PDS5B: variants seen among roughly 807,000 people sequenced by gnomAD.
PDS5B encodes sister chromatid cohesion protein PDS5 homolog B.
A neutral mutation model predicts 184.1 loss-of-function variants in PDS5B; 51 were observed. That is an observed-to-expected ratio of 0.28 (90% CI 0.22 to 0.35). PDS5B has a LOEUF of 0.35. PDS5B is among the 10% of genes least tolerant of loss of function. The pLI is 1.00. For missense variants in PDS5B, 1,180 were observed against 1,723.3 expected, an observed-to-expected ratio of 0.68 and a Z score of 5.58; for synonymous variants, 566 against 569.2, an observed-to-expected ratio of 0.99 and a Z score of 0.08.
intron 19 of PDS5B, among the ~76,000 whole-genome samples, chr13:32,711,953 A>C (rs1036400970): frequency 6.6e-6 from 1 of 152,212 alleles, no homozygotes; most frequent in Non-Finnish European, 1.5e-5. Context: ...TCTAATGTTC[A>C]AGTGGTAAAT....
intron 1 of PDS5B, among the ~76,000 whole-genome samples, chr13:32,646,576 T>A (rs1408067616): frequency 6.6e-6 from 1 of 151,990 alleles, no homozygotes; most frequent in Admixed American, 6.6e-5. Flanking sequence ...ATTTATCTTT[T>A]TTTTTTTTAA....
At chr13:32,767,888 C>A (rs1486300378) in intron 31 of PDS5B, among the ~76,000 whole-genome samples, 2 of 152,078 alleles carry the variant, frequency 1.3e-5, no homozygotes, top group Non-Finnish European at 2.9e-5. Context: ...GTAGGTTCAG[C>A]CCTACCAGAT....
In PDS5B at chr13:32,775,196, CCCAT is replaced by C; in HGVS notation, c.*145_*148del. ...GACAGTTGGACCTTACTTTGGTGAC[CCCAT>C]ACATTTGTGGTCACATGCTTTAGCC... On this transcript the variant is annotated 3_prime_UTR_variant, in exon 35 of 35. Transcript: ENST00000315596. 1 of 680,306 alleles carries C rather than the reference CCCAT, an allele frequency of 1.5e-6. No homozygotes were observed. The highest frequency in any genetic ancestry group is 2.5e-6 in the Non-Finnish European group (1 of 402,684). 42.1% of individuals were successfully genotyped at this position (680,306 alleles called of 1,614,324 possible).
chr13:32,652,297 A>C (rs977802826), intron 3 of PDS5B: 3 of 269,288 alleles, frequency 1.1e-5, no homozygotes, highest in African/African-American at 6.6e-5. Context: ...TTCACTTTTG[A>C]AAATCCATAT....
At chr13:32,662,570 G>A (rs182471262) in intron 6 of PDS5B, among the ~76,000 whole-genome samples, 11 of 152,202 alleles carry the variant, frequency 7.2e-5, no homozygotes, top group African/African-American at 2.4e-4. Flanking sequence ...ACCACTAATA[G>A]CAAGCATGTA....
intron 1 of PDS5B, among the ~76,000 whole-genome samples, chr13:32,612,844 A>T (rs952340626): frequency 6.6e-6 from 1 of 152,164 alleles, no homozygotes; most frequent in Non-Finnish European, 1.5e-5. Flanking sequence ...CAGTCTCCAT[A>T]ATTGTCAGCC....
intron 20 of PDS5B, 55 bp from the exon 21 acceptor site, chr13:32,735,117 C>A: frequency 1.0e-5 from 10 of 1,003,166 alleles, no homozygotes; most frequent in Middle Eastern, 2.2e-4. Flanking sequence ...AATATGTAAA[C>A]AGTTTATTTG....
rs552545236 is a variant in PDS5B, at chr13:32,751,642, G to A, written c.2737-1690G>A. Among the ~76,000 whole-genome samples, 34 of 152,264 alleles carry A rather than the reference G, an allele frequency of 2.2e-4. No homozygotes were observed. The East Asian group carries it at 5.0e-3, about 22-fold the overall frequency. ...ACATTTTTTCATATGCTTGTTGTCT[G>A]TGTGTATATCTTCTTTTGAAAAGTG... On this transcript the variant is annotated intron_variant, in intron 24 of 34. Transcript: ENST00000315596.
chr13:32,693,590 T>C (rs116720433), intron 13 of PDS5B, among the ~76,000 whole-genome samples: 329 of 151,362 alleles, frequency 2.2e-3, no homozygotes, highest in African/African-American at 7.7e-3. Context: ...TTTTGGAGAT[T>C]TCCTTAAAAA....
Position 32,592,759 on chromosome 13 carries a change from G to A in PDS5B, c.-20+6166G>A, listed in dbSNP as rs576652825. ...ATATGCTCCTATGATATATCAGGAT[G>A]TGATGCTTGATAAGTGGGGTCCCTT... On this transcript the variant is annotated intron_variant, in intron 1 of 34. Transcript: ENST00000315596. 2.6e-4 allele frequency among the ~76,000 whole-genome samples: 39 copies of A among 152,276 alleles called. No homozygotes were observed. In the South Asian group the frequency reaches 7.5e-3, roughly 29 times the overall value.
At chr13:32,699,487 T>G (rs1364467849) in intron 15 of PDS5B, among the ~76,000 whole-genome samples, 1 of 152,218 alleles carries the variant, frequency 6.6e-6, no homozygotes, top group Non-Finnish European at 1.5e-5. Context: ...TACTTAGAAG[T>G]AGCCATTTTA....
chr13:32,725,994 T>C lies in PDS5B; in HGVS notation c.2124-6107T>C, dbSNP rs1593530123. Among the ~76,000 whole-genome samples, 8 of 152,302 alleles carry C rather than the reference T, an allele frequency of 5.3e-5. 3 individuals are homozygous for C. The highest frequency in any genetic ancestry group is 5.2e-4 in the Admixed American group (8 of 15,308). On this transcript the variant is annotated intron_variant, in intron 19 of 34. Coordinates refer to ENST00000315596, the MANE Select transcript of PDS5B (RefSeq NM_015032.4). Reference sequence around the variant, plus strand: ...ACATACCCTTGTTCATTTGTTTCATTCTTTTTGAGAGGTCGCTCTTTTAAA... The same window carrying C: ...ACATACCCTTGTTCATTTGTTTCATCCTTTTTGAGAGGTCGCTCTTTTAAA...
intron 26 of PDS5B, among the ~76,000 whole-genome samples, chr13:32,757,727 C>T (rs749129853): frequency 1.3e-5 from 2 of 152,164 alleles, no homozygotes; most frequent in Admixed American, 1.3e-4. Context: ...GTATCTGAGG[C>T]CTCACTTGAT....
At chr13:32,679,080 A>AGT in intron 10 of PDS5B, 151 bp downstream of exon 10, 2 of 362,138 alleles carry the variant, frequency 5.5e-6, no homozygotes, top group Non-Finnish European at 1.0e-5. Flanking sequence ...CTGAAGCTAG[A>AGT]TTTTTTTTTT....
chr13:32,759,088 G>A (rs779900706), intron 28 of PDS5B, among the ~76,000 whole-genome samples: 1 of 152,122 alleles, frequency 6.6e-6, no homozygotes, highest in Non-Finnish European at 1.5e-5. Flanking sequence ...CCAAAAACTC[G>A]AGTGTGATAT....
intron 21 of PDS5B, among the ~76,000 whole-genome samples, chr13:32,737,745 A>G (rs1305129982): frequency 1.3e-5 from 2 of 152,226 alleles, no homozygotes; most frequent in Non-Finnish European, 2.9e-5. Context: ...TTTGATATGT[A>G]CAAAGGAATA....
At chr13:32,747,098 A>G (rs762204487) in intron 24 of PDS5B, among the ~76,000 whole-genome samples, 2 of 152,178 alleles carry the variant, frequency 1.3e-5, no homozygotes, top group African/African-American at 4.8e-5. Context: ...TCAGATTCCT[A>G]TTACAGTTTT....
intron 1 of PDS5B, among the ~76,000 whole-genome samples, chr13:32,591,111 TTTTA>T (rs2057768431): frequency 6.6e-6 from 1 of 151,826 alleles, no homozygotes; most frequent in Non-Finnish European, 1.5e-5. Context: ...TAATTTACTA[TTTTA>T]TTTATTTATT....
chr13:32,659,945 C>G (rs550111989), intron 6 of PDS5B, among the ~76,000 whole-genome samples: 1 of 152,232 alleles, frequency 6.6e-6, no homozygotes, highest in Non-Finnish European at 1.5e-5. Context: ...TGAAAATGAT[C>G]TCATAATTCA....
Sources: allele counts gnomAD v4.1 joint callset (sites outside exome capture counted in the v4.1 genomes callset), GRCh38; gene constraint gnomAD v4.1.1; transcripts MANE v1.5; gene names NCBI Gene and HGNC (gene_info 2026-07-23, HGNC 2026-07-21).